ASAH2: variants seen among roughly 807,000 people sequenced by gnomAD.
ASAH2 encodes the protein N-acylsphingosine amidohydrolase 2, also known as neutral ceramidase.
A neutral mutation model predicts 82.9 loss-of-function variants in ASAH2; 58 were observed. The ratio of observed to expected loss-of-function variants is 0.70; its 90% confidence interval spans 0.57 to 0.87. The LOEUF is 0.87. Ranked by LOEUF, ASAH2 falls within the 40% of genes least tolerant of loss-of-function variation. The pLI, the probability that ASAH2 is intolerant of heterozygous loss-of-function variation, is 0.00. For missense variants in ASAH2, 779 were observed against 834.0 expected, an observed-to-expected ratio of 0.93 and a Z score of 0.81; for synonymous variants, 276 against 289.7, an observed-to-expected ratio of 0.95 and a Z score of 0.48.
At chr10:50,248,715 T>A (rs1191507016) in intron 1 of ASAH2, 69 bp from the exon 2 acceptor site, 1 of 1,192,362 alleles carries the variant, frequency 8.4e-7, no homozygotes, top group African/African-American at 1.5e-5. Context: ...ATATCTTAGC[T>A]CTTTCATATT....
intron 12 of ASAH2, among the ~76,000 whole-genome samples, chr10:50,210,525 A>G (rs543529814): frequency 0.77 from 116,435 of 151,860 alleles, 46,453 homozygotes; most frequent in Non-Finnish European, 0.88. Flanking sequence ...ATGCTACAAT[A>G]TCAATGAACC....
chr10:50,216,642 C>A (rs886555210), intron 8 of ASAH2, among the ~76,000 whole-genome samples: 3 of 147,070 alleles, frequency 2.0e-5, no homozygotes, highest in Non-Finnish European at 4.5e-5. Flanking sequence ...AATATACCAT[C>A]CACAATCTGG....
chr10:50,197,959 C>T (rs1235776936), intron 17 of ASAH2, among the ~76,000 whole-genome samples: 1 of 151,382 alleles, frequency 6.6e-6, no homozygotes, highest in Non-Finnish European at 1.5e-5. Flanking sequence ...AACAGTTATT[C>T]AAAAAAAGTA....
In ASAH2 at chr10:50,199,106, T is replaced by C; in HGVS notation, c.1802A>G (p.His601Arg). The C allele has an allele frequency of 1.2e-6, 2 of 1,613,344 alleles. No individual in the cohort carries two copies. The highest frequency in any genetic ancestry group is 1.7e-6 in the Non-Finnish European group (2 of 1,179,488). The change falls in exon 17 of 21, where the codon CAC (histidine) becomes CGC (arginine). Residue 601 changes from histidine (H) to arginine (R), a missense_variant. Transcript: ENST00000682911. Reference protein sequence around the residue: ...YEAASTIYGPHTLSAYIQLFR... With the variant: ...YEAASTIYGPRTLSAYIQLFR... ...GAGCTGAATGTAAGCAGATAATGTG[T>C]GCGGTCCATAAATTGTCGATGCTGC... is the stretch of plus-strand genomic sequence containing the variant.
rs1234606085 is a variant in ASAH2 at position 50,184,982 on chromosome 10, C to T, written c.*2333G>A. ...ATTATTCAGTGCTTTTCAAAGAAGT[C>T]AAAAAATCCTTAAAACCAGAGTAGG... On this transcript the variant is annotated 3_prime_UTR_variant, in exon 21 of 21. Transcript: ENST00000682911. 6.6e-6 allele frequency: 1 copy of T among 151,524 alleles called. No homozygotes were observed. Among genetic ancestry groups the T allele is most frequent in the Non-Finnish European group, 1.5e-5 (1 of 67,722 alleles). 9.4% of individuals were successfully genotyped at this position (151,524 alleles called of 1,614,324 possible).
At chr10:50,235,420 G>A (rs1846132576) in intron 5 of ASAH2, among the ~76,000 whole-genome samples, 1 of 152,086 alleles carries the variant, frequency 6.6e-6, no homozygotes, top group African/African-American at 2.4e-5. Flanking sequence ...GTATTTGTCA[G>A]GAGCACCACG....
intron 3 of ASAH2, 101 bp from the exon 4 acceptor site, chr10:50,243,452 AAACATC>A (rs1846362933): frequency 1.6e-6 from 2 of 1,245,262 alleles, no homozygotes; most frequent in Admixed American, 5.1e-5. Context: ...AAACAAAGAA[AAACATC>A]CACATGACAT....
At chr10:50,249,930 C>A (rs1203392924) in intron 1 of ASAH2, among the ~76,000 whole-genome samples, 1 of 152,094 alleles carries the variant, frequency 6.6e-6, no homozygotes, top group Non-Finnish European at 1.5e-5. Context: ...GATGCTGCTA[C>A]CCCCAAGAGT....
At chr10:50,221,890 G>A (rs1417889113) in intron 7 of ASAH2, among the ~76,000 whole-genome samples, 2 of 152,106 alleles carry the variant, frequency 1.3e-5, no homozygotes, top group Non-Finnish European at 2.9e-5. Context: ...TCTTGGCCTT[G>A]AGACATGCTT....
rs1023930753 is a variant in ASAH2, at chr10:50,215,384, C to T, written c.1015-516G>A. ...ATGGAGTCTCTACCCATCCCTATGT[C>T]CTAAATGGTATTTGCCTAGGTTTTC... On this transcript the variant is annotated intron_variant, in intron 8 of 20. Coordinates refer to ENST00000682911, the MANE Select transcript of ASAH2 (RefSeq NM_019893.4). Among the ~76,000 whole-genome samples, 194 of 151,146 alleles carry T rather than the reference C, an allele frequency of 1.3e-3. 1 individual carries two copies. The highest frequency in any genetic ancestry group is 1.4e-3 in the Admixed American group (21 of 15,100).
intron 12 of ASAH2, among the ~76,000 whole-genome samples, chr10:50,209,394 G>A (rs1845392656): frequency 6.6e-6 from 1 of 152,156 alleles, no homozygotes; most frequent in African/African-American, 2.4e-5. Flanking sequence ...TCTGTTGCCA[G>A]GCTGGAGTGC....
rs946850672 is a variant in ASAH2 at position 50,248,668 on chromosome 10, A to G, written c.-36-22T>C. The G allele has an allele frequency of 3.2e-6, 5 of 1,556,456 alleles. No homozygotes were observed. The African/African-American group carries it at 5.5e-5, about 17-fold the overall frequency. On this transcript the variant is annotated intron_variant, in intron 1 of 20. Transcript: ENST00000682911. Reference sequence around the variant, plus strand: ...AATACTGAAGAGGAAGAAATCACAAATTAAAATGCAAATGCTTTAAGCCAA... The same window carrying G: ...AATACTGAAGAGGAAGAAATCACAAGTTAAAATGCAAATGCTTTAAGCCAA...
intron 7 of ASAH2, among the ~76,000 whole-genome samples, chr10:50,227,035 G>A (rs1388545507): frequency 6.6e-6 from 1 of 152,090 alleles, no homozygotes. Context: ...GAAAAGGTGA[G>A]ACAAATAGCA....
intron 13 of ASAH2, 122 bp downstream of exon 13, chr10:50,205,860 G>GAT: frequency 1.2e-6 from 1 of 849,626 alleles, no homozygotes; most frequent in Admixed American, 1.9e-5. Context: ...TTAAAAACTT[G>GAT]ATATGGGAAT....
intron 20 of ASAH2, among the ~76,000 whole-genome samples, chr10:50,189,032 C>T (rs1844826973): frequency 1.4e-5 from 2 of 144,978 alleles, no homozygotes; most frequent in African/African-American, 5.4e-5. Context: ...AGTTAAACAC[C>T]CAAGCTTCTA....
At chr10:50,243,391 C>G (rs753601159) in intron 3 of ASAH2, 40 bp from the exon 4 acceptor site, 12 of 1,594,862 alleles carry the variant, frequency 7.5e-6, no homozygotes, top group South Asian at 3.4e-5. Flanking sequence ...CTGTCTCATT[C>G]CCCTGCTACT....
intron 13 of ASAH2, 70 bp downstream of exon 13, chr10:50,205,912 A>G: frequency 8.3e-7 from 1 of 1,204,420 alleles, no homozygotes; most frequent in South Asian, 1.2e-5. Flanking sequence ...TCTACCATTC[A>G]TTACCTGACA....
In ASAH2 at chr10:50,207,859, A is replaced by C. The variant is rs916458214; in HGVS notation, c.1415-1762T>G. ...TAAAACCAGACAAAGATATCACAAG[A>C]AAAGAAAACTACAGAACATTTTCTC... On this transcript the variant is annotated intron_variant, in intron 12 of 20. Transcript: ENST00000682911. Among the ~76,000 whole-genome samples the C allele has an allele frequency of 1.1e-3, 171 of 152,032 alleles. 1 individual carries two copies. In the South Asian group the frequency reaches 0.013, roughly 11 times the overall value.
chr10:50,230,240 T>A (rs1015582509), intron 7 of ASAH2, among the ~76,000 whole-genome samples: 3 of 152,172 alleles, frequency 2.0e-5, no homozygotes, highest in Non-Finnish European at 2.9e-5. Flanking sequence ...AAGGAATGAA[T>A]TATGAACTCA....
Sources: allele counts gnomAD v4.1 joint callset (sites outside exome capture counted in the v4.1 genomes callset), GRCh38; gene constraint gnomAD v4.1.1; transcripts MANE v1.5; gene names NCBI Gene and HGNC (gene_info 2026-07-23, HGNC 2026-07-21).